MCMBP: variants seen among roughly 807,000 people sequenced by gnomAD.
The protein encoded by MCMBP is mini-chromosome maintenance complex-binding protein.
MCMBP carries 31 observed loss-of-function variants against 81.3 expected under a neutral mutation model. The ratio of observed to expected loss-of-function variants is 0.38; its 90% CI spans 0.29 to 0.51. The LOEUF (loss-of-function observed/expected upper bound fraction) is 0.51. MCMBP is among the 20% of genes least tolerant of loss of function. The probability of loss-of-function intolerance (pLI) is 0.87; values close to 1 mark genes in which losing one functional copy is unlikely to be tolerated. For missense variants in MCMBP, 645 were observed against 772.1 expected, an observed-to-expected ratio of 0.84 and a Z score of 1.95; for synonymous variants, 267 against 275.9, an observed-to-expected ratio of 0.97 and a Z score of 0.32.
intron 1 of MCMBP, among the ~76,000 whole-genome samples, chr10:119,865,075 T>C (rs1001499290): frequency 2.2e-5 from 3 of 137,946 alleles, no homozygotes; most frequent in Non-Finnish European, 3.3e-5. Context: ...AGTATTCTTT[T>C]TGATTTTCTA....
chr10:119,859,492 TAA>T (rs1200488205), intron 2 of MCMBP, among the ~76,000 whole-genome samples: 2 of 152,220 alleles, frequency 1.3e-5, no homozygotes, highest in Non-Finnish European at 2.9e-5. Flanking sequence ...GCTCTTCTCT[TAA>T]AACTAGCACA....
intron 6 of MCMBP, among the ~76,000 whole-genome samples, chr10:119,852,454 C>T (rs1852868320): frequency 1.3e-5 from 2 of 152,172 alleles, no homozygotes; most frequent in Non-Finnish European, 2.9e-5. Context: ...ATAGAAGGAT[C>T]ACCTGAGCCC....
rs771464600 is a variant in MCMBP, at chr10:119,831,617, A to G, written c.1797-17T>C. On this transcript the variant is annotated splice_polypyrimidine_tract_variant and intron_variant, in intron 15 of 15. Coordinates refer to ENST00000369077, the MANE Select transcript of MCMBP (RefSeq NM_001256378.2). Reference sequence around the variant, plus strand: ...GACAGACACCTGGTTTGAAACACAGAAACAAATTTAAGTCTAGAGCTGGGA... The same window carrying G: ...GACAGACACCTGGTTTGAAACACAGGAACAAATTTAAGTCTAGAGCTGGGA... The G allele has an allele frequency of 1.2e-6, 2 of 1,607,788 alleles. No homozygotes were observed. The highest frequency in any genetic ancestry group is 1.7e-5 in the Admixed American group (1 of 58,160).
intron 6 of MCMBP, among the ~76,000 whole-genome samples, chr10:119,850,469 G>T (rs1344149712): frequency 4.6e-5 from 7 of 152,152 alleles, no homozygotes; most frequent in Non-Finnish European, 7.4e-5. Context: ...CAAAGAACAG[G>T]CCAGGTGCAG....
At chr10:119,832,132 CAT>C (rs1491487260) in intron 14 of MCMBP, 32 bp from the exon 15 acceptor site, 1 of 1,585,846 alleles carries the variant, frequency 6.3e-7, no homozygotes, top group Middle Eastern at 1.7e-4. Context: ...AAATGATGTG[CAT>C]TTTTGTAAGG....
In MCMBP at chr10:119,831,449, A is replaced by G. The variant is rs1272405865; in HGVS notation, c.*25T>C. ...ACAATTATGTGGCTACAGTTTGCCCATTACTCTTCATAGGTATTACATCTT... is the reference window on the plus strand; with the variant it reads ...ACAATTATGTGGCTACAGTTTGCCCGTTACTCTTCATAGGTATTACATCTT... On this transcript the variant is annotated 3_prime_UTR_variant, in exon 16 of 16. Coordinates refer to ENST00000369077, the MANE Select transcript of MCMBP (RefSeq NM_001256378.2). The G allele has an allele frequency of 7.4e-6, 12 of 1,612,954 alleles. No individual in the cohort carries two copies. Among genetic ancestry groups the G allele is most frequent in the Non-Finnish European group, 1.0e-5 (12 of 1,179,438 alleles).
chr10:119,833,052 G>C (rs1852102902), intron 14 of MCMBP, among the ~76,000 whole-genome samples: 1 of 152,196 alleles, frequency 6.6e-6, no homozygotes, highest in Non-Finnish European at 1.5e-5. Context: ...GCATGGCTAA[G>C]TGTTGAACTG....
intron 8 of MCMBP, among the ~76,000 whole-genome samples, chr10:119,846,172 T>A (rs904210315): frequency 1.3e-5 from 2 of 152,050 alleles, no homozygotes; most frequent in African/African-American, 4.8e-5. Context: ...AGAAAATAAA[T>A]GTTAAAAAAT....
chr10:119,860,586 T>C (rs1394375970), intron 1 of MCMBP, among the ~76,000 whole-genome samples: 2 of 152,190 alleles, frequency 1.3e-5, no homozygotes, highest in Admixed American at 6.5e-5. Context: ...ATCCCCTCTA[T>C]AGCACTTTTT....
intron 1 of MCMBP, among the ~76,000 whole-genome samples, chr10:119,863,259 T>C (rs1472472965): frequency 6.6e-6 from 1 of 152,202 alleles, no homozygotes; most frequent in Non-Finnish European, 1.5e-5. Flanking sequence ...TGTTTTCTTC[T>C]AAAAGTTTTA....
At chr10:119,858,963 T>C (rs1853146548) in intron 3 of MCMBP, 38 bp from the exon 4 acceptor site, 3 of 1,609,606 alleles carry the variant, frequency 1.9e-6, no homozygotes, top group Non-Finnish European at 2.5e-6. Context: ...ATTATATCAA[T>C]ATATCTGAAC....
intron 14 of MCMBP, 90 bp from the exon 15 acceptor site, chr10:119,832,190 G>A: frequency 8.8e-7 from 1 of 1,141,646 alleles, no homozygotes; most frequent in Non-Finnish European, 1.2e-6. Context: ...TAAGGTGCAT[G>A]TCAGCCTCTT....
At chr10:119,858,712 G>A (rs1250612991) in intron 4 of MCMBP, among the ~76,000 whole-genome samples, 172 bp downstream of exon 4, 3 of 151,600 alleles carry the variant, frequency 2.0e-5, no homozygotes, top group Non-Finnish European at 4.4e-5. Flanking sequence ...ATCTTTAGAG[G>A]ATTAAAAAAA....
chr10:119,835,033 G>T (rs186382411), intron 14 of MCMBP, among the ~76,000 whole-genome samples: 3 of 152,262 alleles, frequency 2.0e-5, no homozygotes, highest in Admixed American at 2.0e-4. Context: ...AGAAAAAATA[G>T]TACAGAAGTC....
chr10:119,831,649 G>A (rs1203412181), intron 15 of MCMBP, 49 bp from the exon 16 acceptor site: 1 of 1,593,278 alleles, frequency 6.3e-7, no homozygotes, highest in Non-Finnish European at 8.5e-7. Context: ...GGGATAGTAA[G>A]TTTTAAATTT....
intron 8 of MCMBP, among the ~76,000 whole-genome samples, chr10:119,843,953 T>A (rs747843003): frequency 2.0e-5 from 3 of 152,144 alleles, no homozygotes; most frequent in Non-Finnish European, 2.9e-5. Context: ...TGAGCCACCA[T>A]GCCTGGCCAG....
At position 119,843,056 on chromosome 10, in the gene MCMBP, T is replaced by C. The variant is rs1323593433; in HGVS notation, c.1000+198A>G. On this transcript the variant is annotated intron_variant, in intron 9 of 15. Coordinates refer to ENST00000369077, the MANE Select transcript of MCMBP (RefSeq NM_001256378.2). ...GCGTGAGCCACTGCACCCAGCCTTG[T>C]ATACTCTTTTGTCCTCATTTCAGTG... 5.0e-6 allele frequency: 3 copies of C among 595,618 alleles called. No individual in the cohort carries two copies. The African/African-American group carries it at 5.6e-5, about 11-fold the overall frequency. The allele number at this position is 595,618 out of a possible 1,614,324, so 36.9% of individuals were successfully genotyped here. A position where few individuals can be genotyped will look rare whatever the true frequency, so the allele number is the denominator to read the frequency against.
chr10:119,836,358 G>A (rs1852242127), intron 13 of MCMBP, among the ~76,000 whole-genome samples: 2 of 151,890 alleles, frequency 1.3e-5, no homozygotes, highest in Non-Finnish European at 2.9e-5. Flanking sequence ...CTCATCAATC[G>A]CAGGTGAATA....
chr10:119,842,477 G>GAT lies in MCMBP; in HGVS notation c.1118_1119insAT (p.Thr374SerfsTer12). The GAT allele has an allele frequency of 6.2e-7, 1 of 1,613,014 alleles. No homozygotes were observed. Among genetic ancestry groups the GAT allele is most frequent in the Non-Finnish European group, 8.5e-7 (1 of 1,179,424 alleles). On this transcript the variant is annotated frameshift_variant, in exon 10 of 16. Transcript: ENST00000369077. LOFTEE classifies it high-confidence loss of function. The stretch of plus-strand genomic sequence containing the variant: ...CACCAGGATACAGCACTTACACTGT[G>GAT]GAGATGAGATGTAATATAAGGTATT...
Sources: gnomAD v4.1 joint callset for allele counts (sites outside exome capture counted in the v4.1 genomes callset) on GRCh38, gnomAD v4.1.1 for gene constraint, MANE v1.5 for transcripts, NCBI Gene and HGNC (gene_info 2026-07-23, HGNC 2026-07-21) for gene names.